Variants in SLMAP observed in about 807,000 individuals in gnomAD.
SLMAP encodes the protein sarcolemmal membrane-associated protein.
A neutral mutation model predicts 128.8 loss-of-function variants in SLMAP; 44 were observed. The ratio of observed to expected loss-of-function variants is 0.34; its 90% CI spans 0.27 to 0.44. The LOEUF is 0.44. Ranked by LOEUF, SLMAP falls within the 20% of genes least tolerant of loss-of-function variation. The probability of loss-of-function intolerance (pLI) is 1.00; values close to 1 mark genes in which losing one functional copy is unlikely to be tolerated. For synonymous variants in SLMAP, 327 were observed against 348.8 expected (o/e 0.94, Z 0.70); for missense variants, 787 against 985.3 (o/e 0.80, Z 2.69).
At chr3:57,885,071 ATT>A (rs543338432) in intron 14 of SLMAP, among the ~76,000 whole-genome samples, 116 of 142,040 alleles carry the variant, frequency 8.2e-4, no homozygotes, top group African/African-American at 2.5e-3. Context: ...AGAAGCAGAA[ATT>A]TTTTTTTTTT....
intron 15 of SLMAP, among the ~76,000 whole-genome samples, chr3:57,892,898 A>G (rs2096127560): frequency 7.0e-6 from 1 of 143,872 alleles, no homozygotes; most frequent in South Asian, 2.2e-4. Flanking sequence ...CAGTGGCTCA[A>G]TCTCGGCTCA....
At chr3:57,863,828 T>C (rs1266847955) in intron 10 of SLMAP, among the ~76,000 whole-genome samples, 2 of 152,324 alleles carry the variant, frequency 1.3e-5, no homozygotes, top group East Asian at 1.9e-4. Context: ...AGAGGTCTTT[T>C]TGAATAGTGA....
chr3:57,769,429 G>C (rs955841247), intron 2 of SLMAP, among the ~76,000 whole-genome samples: 2 of 151,954 alleles, frequency 1.3e-5, no homozygotes, highest in South Asian at 4.2e-4. Flanking sequence ...TCCTGACCTC[G>C]TGATCCGCCC....
chr3:57,864,838 TAAAG>T lies in SLMAP; in HGVS notation c.1170_1173del (p.Lys390AsnfsTer16). The T allele has an allele frequency of 6.3e-7, 1 of 1,587,376 alleles. No individual in the cohort carries two copies. The highest frequency in any genetic ancestry group is 1.1e-5 in the South Asian group (1 of 87,478). On this transcript the variant is annotated frameshift_variant, in exon 12 of 25. Transcript: ENST00000671191. LOFTEE classifies it high-confidence loss of function. ...TAGAACATCTTCAGGAGAAAACTCT[TAAAG>T]AATGCAGCAGCTTGGGTAGGTGGCA... is the stretch of plus-strand genomic sequence containing the variant.
rs1339830225 is a variant in SLMAP at position 57,871,703 on chromosome 3, G to A, written c.1300+5G>A. 1 of 1,604,664 alleles carries A rather than the reference G, an allele frequency of 6.2e-7. No homozygotes were observed. The highest frequency in any genetic ancestry group is 2.2e-5 in the East Asian group (1 of 44,738). On this transcript the variant is annotated splice_donor_5th_base_variant and intron_variant, in intron 14 of 24. Transcript: ENST00000671191. Reference sequence around the variant, plus strand: ...ATCAATTCATAGAATGCCAGAGTGAGTACAGAGTATTTTTCACATTGATTT... The same window carrying A: ...ATCAATTCATAGAATGCCAGAGTGAATACAGAGTATTTTTCACATTGATTT...
At chr3:57,788,811 GTGA>G (rs1294334507) in intron 2 of SLMAP, among the ~76,000 whole-genome samples, 1 of 152,172 alleles carries the variant, frequency 6.6e-6, no homozygotes, top group Non-Finnish European at 1.5e-5. Flanking sequence ...GTTCAGTAGA[GTGA>G]TGAATGTGGA....
intron 2 of SLMAP, among the ~76,000 whole-genome samples, chr3:57,814,230 C>A (rs1009353337): frequency 1.3e-5 from 2 of 152,052 alleles, no homozygotes; most frequent in Non-Finnish European, 2.9e-5. Context: ...ATCTCTGTCA[C>A]CCAGGCGGGA....
At chr3:57,763,522 G>A (rs1034758570) in intron 2 of SLMAP, among the ~76,000 whole-genome samples, 4 of 151,884 alleles carry the variant, frequency 2.6e-5, no homozygotes, top group African/African-American at 9.7e-5. Context: ...CAATCCACCC[G>A]CCCCGGCCTC....
At chr3:57,822,527 G>A (rs995043219) in intron 2 of SLMAP, among the ~76,000 whole-genome samples, 1 of 152,140 alleles carries the variant, frequency 6.6e-6, no homozygotes, top group African/African-American at 2.4e-5. Context: ...GCATCCAAGG[G>A]AGTACTTGAT....
chr3:57,802,852 G>A (rs895568780), intron 2 of SLMAP, among the ~76,000 whole-genome samples: 1 of 152,022 alleles, frequency 6.6e-6, no homozygotes, highest in Non-Finnish European at 1.5e-5. Context: ...CATTTCTCTT[G>A]GGTAATTTCT....
intron 13 of SLMAP, among the ~76,000 whole-genome samples, chr3:57,870,069 A>G (rs1366239326): frequency 6.6e-6 from 1 of 152,068 alleles, no homozygotes; most frequent in Non-Finnish European, 1.5e-5. Flanking sequence ...CTTTGTAAGT[A>G]ATGGTAGGAT....
chr3:57,863,593 C>T (rs1483722254), intron 10 of SLMAP, among the ~76,000 whole-genome samples: 1 of 152,134 alleles, frequency 6.6e-6, no homozygotes, highest in Non-Finnish European at 1.5e-5. Flanking sequence ...GGTACGTGTT[C>T]CATGGTGAGA....
intron 15 of SLMAP, among the ~76,000 whole-genome samples, chr3:57,895,480 G>T (rs895344020): frequency 1.3e-5 from 2 of 151,912 alleles, no homozygotes; most frequent in African/African-American, 4.8e-5. Context: ...GATTACAGGT[G>T]CCCAGCACCA....
intron 13 of SLMAP, among the ~76,000 whole-genome samples, chr3:57,869,191 C>T (rs1215577494): frequency 1.3e-5 from 2 of 150,636 alleles, no homozygotes; most frequent in African/African-American, 4.9e-5. Flanking sequence ...TGTTCGAGGA[C>T]AGGAAGCATC....
At chr3:57,764,976 C>G (rs1353059232) in intron 2 of SLMAP, among the ~76,000 whole-genome samples, 1 of 152,232 alleles carries the variant, frequency 6.6e-6, no homozygotes, top group Non-Finnish European at 1.5e-5. Context: ...CCTGTGTGAA[C>G]TGAAGACTTT....
At chr3:57,821,938 C>CCTCTTT (rs1465222366) in intron 2 of SLMAP, among the ~76,000 whole-genome samples, 5 of 151,612 alleles carry the variant, frequency 3.3e-5, no homozygotes, top group Admixed American at 1.3e-4. Context: ...TCCTCCTCCT[C>CCTCTTT]CTCTTTCTCC....
At chr3:57,915,283 G>T (rs73090310) in intron 21 of SLMAP, among the ~76,000 whole-genome samples, 1 of 152,110 alleles carries the variant, frequency 6.6e-6, no homozygotes, top group Non-Finnish European at 1.5e-5. Flanking sequence ...TTAAGTGTTG[G>T]GAAGCAAGCC....
rs143837150 is a variant in SLMAP, at chr3:57,821,221, T to C, written c.199-10162T>C. Among the ~76,000 whole-genome samples, 39 of 152,338 alleles carry C rather than the reference T, an allele frequency of 2.6e-4. No individual in the cohort carries two copies. The East Asian group carries it at 7.3e-3, about 29-fold the overall frequency. ...ATGTAGAGACTTATCTCAGTTCCCA[T>C]GTAGAAATACTTTTTCTTTCTCCAC... is the stretch of plus-strand genomic sequence containing the variant. On this transcript the variant is annotated intron_variant, in intron 2 of 24. Coordinates refer to ENST00000671191, the MANE Select transcript of SLMAP (RefSeq NM_001377540.1).
intron 17 of SLMAP, among the ~76,000 whole-genome samples, chr3:57,902,911 C>T (rs1478789981): frequency 6.6e-6 from 1 of 152,064 alleles, no homozygotes; most frequent in Non-Finnish European, 1.5e-5. Context: ...CAATTTTATA[C>T]GGTCACCCTA....
Sources: allele counts gnomAD v4.1 joint callset (sites outside exome capture counted in the v4.1 genomes callset), GRCh38; gene constraint gnomAD v4.1.1; transcripts MANE v1.5; gene names NCBI Gene and HGNC (gene_info 2026-07-23, HGNC 2026-07-21).